Variants in CDK6 observed in about 807,000 individuals in gnomAD.
CDK6 encodes the protein cyclin-dependent kinase 6.
A neutral mutation model predicts 37.1 loss-of-function variants in CDK6; 6 were observed. That is an observed-to-expected ratio of 0.16 (90% CI 0.09 to 0.32). The LOEUF (loss-of-function observed/expected upper bound fraction) is 0.32. Ranked by LOEUF, CDK6 falls within the 10% of genes least tolerant of loss-of-function variation. CDK6 has a pLI of 1.00. For missense variants in CDK6, 224 were observed against 418.9 expected (o/e 0.53, Z 4.06); for synonymous variants, 160 against 161.3 (o/e 0.99, Z 0.06).
chr7:92,819,334 A>G (rs1307947237), intron 2 of CDK6, among the ~76,000 whole-genome samples: 1 of 152,124 alleles, frequency 6.6e-6, no homozygotes, highest in East Asian at 1.9e-4. Flanking sequence ...AACTCTAGAA[A>G]GGACAAATCT....
intron 4 of CDK6, among the ~76,000 whole-genome samples, chr7:92,674,737 T>C (rs1160277689): frequency 6.6e-6 from 1 of 152,244 alleles, no homozygotes; most frequent in African/African-American, 2.4e-5. Flanking sequence ...CACACTTATC[T>C]TTCTACCTCA....
intron 5 of CDK6, among the ~76,000 whole-genome samples, chr7:92,642,811 C>A (rs1420884704): frequency 6.6e-6 from 1 of 151,712 alleles, no homozygotes; most frequent in Non-Finnish European, 1.5e-5. Context: ...CCAAAGCTGG[C>A]TCTCATGACC....
At chr7:92,682,827 T>G (rs1429768984) in intron 4 of CDK6, among the ~76,000 whole-genome samples, 1 of 152,206 alleles carries the variant, frequency 6.6e-6, no homozygotes, top group East Asian at 1.9e-4. Context: ...AACAGATGAC[T>G]TTTTAATAAA....
At chr7:92,682,319 C>T (rs946362619) in intron 4 of CDK6, among the ~76,000 whole-genome samples, 1 of 152,218 alleles carries the variant, frequency 6.6e-6, no homozygotes, top group Non-Finnish European at 1.5e-5. Flanking sequence ...GTTCCCCCTT[C>T]AGATGAAGGC....
chr7:92,768,602 A>G (rs1374995746), intron 3 of CDK6, among the ~76,000 whole-genome samples: 1 of 152,208 alleles, frequency 6.6e-6, no homozygotes, highest in African/African-American at 2.4e-5. Context: ...ATGATATTAG[A>G]TTGAAAAAAA....
intron 3 of CDK6, among the ~76,000 whole-genome samples, chr7:92,765,462 G>C (rs192997545): frequency 4.4e-4 from 67 of 152,192 alleles, no homozygotes; most frequent in Non-Finnish European, 7.6e-4. Flanking sequence ...GCCCACCACA[G>C]AGAACTGAAT....
In CDK6 at chr7:92,677,461, T is replaced by A. The variant is rs996037537; in HGVS notation, c.538-5926A>T. ...GGCGAAACCCTGTCTCTACTAAAAA[T>A]AAAAAAAATTAGCCAGGTGTGGTGG... On this transcript the variant is annotated intron_variant, in intron 4 of 7. Coordinates refer to ENST00000424848, the MANE Select transcript of CDK6 (RefSeq NM_001145306.2). Among the ~76,000 whole-genome samples the A allele has an allele frequency of 2.0e-5, 3 of 151,374 alleles. No homozygotes were observed. In the East Asian group the frequency reaches 5.8e-4, roughly 29 times the overall value.
rs1395823010 is a variant in CDK6, at chr7:92,611,332, T to C, written c.*3808A>G. ...CTATACTAACATAATTAAGTAATTA[T>C]GGTGGCATATTCACTTTTAACATTA... On this transcript the variant is annotated 3_prime_UTR_variant, in exon 8 of 8. Transcript: ENST00000424848. 4.4e-6 allele frequency: 1 copy of C among 226,996 alleles called. No individual in the cohort carries two copies. Among genetic ancestry groups the C allele is most frequent in the African/African-American group, 2.2e-5 (1 of 44,890 alleles). 14.1% of individuals were successfully genotyped at this position (226,996 alleles called of 1,614,324 possible). A position where few individuals can be genotyped will look rare whatever the true frequency, so the allele number is the denominator to read the frequency against.
At position 92,818,165 on chromosome 7, in the gene CDK6, GAACA is replaced by G. The variant is rs1266970896; in HGVS notation, c.233+14922_233+14925del. On this transcript the variant is annotated intron_variant, in intron 2 of 7. Coordinates refer to ENST00000424848, the MANE Select transcript of CDK6 (RefSeq NM_001145306.2). ...GAGCAACAACAATTTTGAAAAACAA[GAACA>G]AAGCTGGAAAATGTATACTACCTGA... Among the ~76,000 whole-genome samples, 7 of 151,944 alleles carry G rather than the reference GAACA, an allele frequency of 4.6e-5. No individual in the cohort carries two copies. The East Asian group carries it at 1.2e-3, about 25-fold the overall frequency.
At chr7:92,625,691 A>T (rs546949985) in intron 5 of CDK6, among the ~76,000 whole-genome samples, 27 of 152,272 alleles carry the variant, frequency 1.8e-4, no homozygotes, top group African/African-American at 6.3e-4. Flanking sequence ...AAATGCATAG[A>T]TATCATTTGT....
intron 2 of CDK6, among the ~76,000 whole-genome samples, chr7:92,790,510 G>C (rs1180378256): frequency 6.6e-6 from 1 of 152,126 alleles, no homozygotes; most frequent in African/African-American, 2.4e-5. Context: ...TATTTTCTAA[G>C]CATTAGATTA....
At chr7:92,726,960 G>A (rs3731312) in intron 3 of CDK6, among the ~76,000 whole-genome samples, 27 of 152,276 alleles carry the variant, frequency 1.8e-4, no homozygotes, top group Admixed American at 7.2e-4. Context: ...AAATGGCAGC[G>A]CTTATTACTG....
chr7:92,617,892 C>T (rs1361943111), intron 7 of CDK6, among the ~76,000 whole-genome samples, 180 bp downstream of exon 7: 1 of 152,158 alleles, frequency 6.6e-6, no homozygotes, highest in Non-Finnish European at 1.5e-5. Context: ...CAAAAGCCAC[C>T]AGCTGCTACA....
chr7:92,655,868 T>C (rs921451129), intron 5 of CDK6, among the ~76,000 whole-genome samples: 6 of 152,270 alleles, frequency 3.9e-5, no homozygotes, highest in African/African-American at 1.4e-4. Context: ...TAAAAGTGCA[T>C]GTATGTGCAT....
At chr7:92,673,440 G>A (rs1167879582) in intron 4 of CDK6, among the ~76,000 whole-genome samples, 1 of 152,118 alleles carries the variant, frequency 6.6e-6, no homozygotes, top group East Asian at 1.9e-4. Context: ...ATCTAATGGA[G>A]GGATGGTTGT....
At chr7:92,793,820 G>A (rs1245402337) in intron 2 of CDK6, among the ~76,000 whole-genome samples, 6 of 151,628 alleles carry the variant, frequency 4.0e-5, no homozygotes, top group Non-Finnish European at 8.8e-5. Context: ...TACAGAAACA[G>A]AAAGTAGATT....
At position 92,700,078 on chromosome 7, in the gene CDK6, G is replaced by A. The variant is rs1182704051; in HGVS notation, c.537+25548C>T. On this transcript the variant is annotated intron_variant, in intron 4 of 7. Coordinates refer to ENST00000424848, the MANE Select transcript of CDK6 (RefSeq NM_001145306.2). Reference sequence around the variant, plus strand: ...GGGGTGAGGCGGGGTGCAGGATAGGGGTATCTAGTGTTAGAGGCTTCAGCG... The same window carrying A: ...GGGGTGAGGCGGGGTGCAGGATAGGAGTATCTAGTGTTAGAGGCTTCAGCG... Among the ~76,000 whole-genome samples the A allele has an allele frequency of 3.3e-5, 5 of 152,120 alleles. No individual in the cohort carries two copies. In the East Asian group the frequency reaches 7.7e-4, roughly 23 times the overall value.
chr7:92,650,572 T>A (rs1016194143), intron 5 of CDK6, among the ~76,000 whole-genome samples: 1 of 152,224 alleles, frequency 6.6e-6, no homozygotes, highest in Admixed American at 6.5e-5. Flanking sequence ...ATGGCATGGC[T>A]CAGCTGGTTC....
intron 4 of CDK6, among the ~76,000 whole-genome samples, chr7:92,690,505 T>C (rs1456345626): frequency 6.6e-6 from 1 of 152,220 alleles, no homozygotes; most frequent in Non-Finnish European, 1.5e-5. Flanking sequence ...AGTGCCATGA[T>C]GTTTTGGTTA....
Sources: allele counts gnomAD v4.1 joint callset (sites outside exome capture counted in the v4.1 genomes callset), GRCh38; gene constraint gnomAD v4.1.1; transcripts MANE v1.5; gene names NCBI Gene and HGNC (gene_info 2026-07-23, HGNC 2026-07-21).